ACACA: variants seen among roughly 807,000 people sequenced by gnomAD.
The protein encoded by ACACA is acetyl-CoA carboxylase 1.
ACACA carries 103 observed loss-of-function variants against 296.1 expected under a neutral mutation model. The ratio of observed to expected loss-of-function variants is 0.35; its 90% CI spans 0.30 to 0.41. The LOEUF (loss-of-function observed/expected upper bound fraction) is 0.41. Among genes scored for constraint, ACACA ranks in the 10% least tolerant of loss-of-function variants. The pLI is 1.00. For missense variants in ACACA, 1,554 were observed against 2,989.7 expected (o/e 0.52, Z 11.20); for synonymous variants, 953 against 1,038.6 (o/e 0.92, Z 1.58).
chr17:37,245,326 C>A, intron 19 of ACACA, 112 bp from the exon 20 acceptor site: 1 of 1,108,122 alleles, frequency 9.0e-7, no homozygotes, highest in East Asian at 2.4e-5. Context: ...CTAATTTGAC[C>A]AAGAAAAAAT....
rs2072133192 is a variant in ACACA, at chr17:37,085,409, A to G, written c.*1907T>C. ...TGTAACCCACCCTGCCTCTGAAGAC[A>G]TGCCTGGACAGGCCTCCTGGGGGGT... On this transcript the variant is annotated 3_prime_UTR_variant, in exon 56 of 56. Transcript: ENST00000616317. 2.5e-6 allele frequency: 1 copy of G among 393,820 alleles called. No individual in the cohort carries two copies. Among genetic ancestry groups the G allele is most frequent in the Non-Finnish European group, 4.5e-6 (1 of 223,526 alleles). 24.4% of individuals were successfully genotyped at this position (393,820 alleles called of 1,614,324 possible).
intron 1 of ACACA, among the ~76,000 whole-genome samples, chr17:37,371,203 C>T (rs2049793259): frequency 1.3e-5 from 2 of 151,736 alleles, no homozygotes; most frequent in Admixed American, 6.6e-5. Flanking sequence ...CCTCAGCCCC[C>T]CGAGTAGCTG....
chr17:37,181,085 T>C, intron 40 of ACACA, 116 bp downstream of exon 40: 1 of 1,078,772 alleles, frequency 9.3e-7, no homozygotes, highest in East Asian at 2.4e-5. Flanking sequence ...GAAAACAGTG[T>C]CAAGATATTT....
chr17:37,181,643 T>TA (rs1470574382), intron 39 of ACACA, among the ~76,000 whole-genome samples: 7 of 152,042 alleles, frequency 4.6e-5, no homozygotes, highest in Admixed American at 1.3e-4. Context: ...CTCACGCCTG[T>TA]AATCCCAGCA....
chr17:37,241,869 G>C (rs893324047), intron 23 of ACACA, 84 bp downstream of exon 23: 3 of 1,067,328 alleles, frequency 2.8e-6, no homozygotes, highest in Admixed American at 1.7e-5. Flanking sequence ...AGTCAAATCT[G>C]AGGTAAATTT....
chr17:37,181,179 A>G (rs756548145), intron 40 of ACACA, 22 bp downstream of exon 40: 1 of 1,613,676 alleles, frequency 6.2e-7, no homozygotes, highest in Non-Finnish European at 8.5e-7. Flanking sequence ...AACATGTCAG[A>G]CCCTCCAGTT....
intron 2 of ACACA, among the ~76,000 whole-genome samples, chr17:37,332,430 A>T (rs1240462751): frequency 2.0e-5 from 3 of 152,086 alleles, no homozygotes; most frequent in African/African-American, 7.2e-5. Context: ...TCAAAACTAC[A>T]GATCAACTCA....
At chr17:37,269,119 A>G (rs2081955557) in intron 10 of ACACA, among the ~76,000 whole-genome samples, 1 of 151,400 alleles carries the variant, frequency 6.6e-6, no homozygotes, top group Non-Finnish European at 1.5e-5. Flanking sequence ...GCAAAACAAT[A>G]CCTTATTTAT....
intron 52 of ACACA, 52 bp from the exon 53 acceptor site, chr17:37,098,036 C>T (rs2073098116): frequency 1.2e-6 from 2 of 1,612,482 alleles, no homozygotes; most frequent in African/African-American, 1.3e-5. Flanking sequence ...AGGAATCTCT[C>T]TGCACAAAAG....
At chr17:37,130,006 G>A in intron 46 of ACACA, 69 bp downstream of exon 46, 3 of 1,583,732 alleles carry the variant, frequency 1.9e-6, no homozygotes, top group Non-Finnish European at 2.6e-6. Context: ...CTTAAACACA[G>A]AGGCAGTGAG....
chr17:37,103,968 CAGG>C (rs991391887), intron 52 of ACACA, among the ~76,000 whole-genome samples: 11 of 152,182 alleles, frequency 7.2e-5, no homozygotes, highest in African/African-American at 2.7e-4. Flanking sequence ...CGCTGGAGCC[CAGG>C]AGTTCAAGCT....
At chr17:37,087,646 AT>A (rs2072300685) in intron 55 of ACACA, among the ~76,000 whole-genome samples, 1 of 152,186 alleles carries the variant, frequency 6.6e-6, no homozygotes, top group South Asian at 2.1e-4. Flanking sequence ...TGAAAAAGGA[AT>A]TAAACCCAAA....
chr17:37,283,274 G>A lies in ACACA; in HGVS notation c.603C>T (p.Ala201=), dbSNP rs766493937. ...ATAATGCTAATAACTCACCTGCATT[G>A]GCTTTAAGGTCTTCAGGTGTGACCA... The part of the protein sequence containing the change: ...VVMVTPEDLK[A]NAEYIKMADH... The change falls in exon 5 of 56, where the codon GCC becomes GCT. Residue 201 remains alanine, a synonymous_variant. Transcript: ENST00000616317. 1 of 1,613,958 alleles carries A rather than the reference G, an allele frequency of 6.2e-7. No individual in the cohort carries two copies. The highest frequency in any genetic ancestry group is 8.5e-7 in the Non-Finnish European group (1 of 1,180,012).
At chr17:37,325,246 A>G (rs1164094169) in intron 3 of ACACA, among the ~76,000 whole-genome samples, 1 of 151,528 alleles carries the variant, frequency 6.6e-6, no homozygotes, top group Non-Finnish European at 1.5e-5. Flanking sequence ...AGCACCTGTA[A>G]TCGCAGCTAC....
chr17:37,094,528 C>T (rs1235582913), intron 54 of ACACA, among the ~76,000 whole-genome samples: 3 of 150,604 alleles, frequency 2.0e-5, no homozygotes. Context: ...AGTCTTTGCA[C>T]TTGAGAAACA....
intron 54 of ACACA, among the ~76,000 whole-genome samples, chr17:37,090,685 T>C (rs952130561): frequency 6.6e-6 from 1 of 152,190 alleles, no homozygotes; most frequent in Non-Finnish European, 1.5e-5. Context: ...GCACTGCTTT[T>C]CCCATAACAT....
chr17:37,118,639 G>A (rs2074374040), intron 50 of ACACA, among the ~76,000 whole-genome samples: 1 of 152,148 alleles, frequency 6.6e-6, no homozygotes, highest in Admixed American at 6.5e-5. Context: ...CTGTGTTACA[G>A]GAAGTCAGAC....
In ACACA at chr17:37,331,224, T is replaced by C. The variant is rs2047868105; in HGVS notation, c.86-799A>G. ...GCTCCGCCTCCCGGGTTCATGCCAT[T>C]CTCCTGCCTCAGCCTCCTGAGTACC... On this transcript the variant is annotated intron_variant, in intron 2 of 55. Transcript: ENST00000616317. Among the ~76,000 whole-genome samples, 11 of 147,340 alleles carry C rather than the reference T, an allele frequency of 7.5e-5. 1 individual carries two copies. The South Asian group carries it at 2.4e-3, about 32-fold the overall frequency.
chr17:37,393,823 A>G (rs2050981270), intron 1 of ACACA, among the ~76,000 whole-genome samples: 2 of 152,130 alleles, frequency 1.3e-5, no homozygotes, highest in Non-Finnish European at 2.9e-5. Context: ...CTCAAAGAAA[A>G]AAAAAAAAAG....
Sources: allele counts gnomAD v4.1 joint callset (sites outside exome capture counted in the v4.1 genomes callset), GRCh38; gene constraint gnomAD v4.1.1; transcripts MANE v1.5; gene names NCBI Gene and HGNC (gene_info 2026-07-23, HGNC 2026-07-21).